SHPRH: variants seen among roughly 807,000 people sequenced by gnomAD.
SHPRH encodes SNF2 histone linker PHD RING helicase.
Under a neutral mutation model 202.5 loss-of-function variants are expected in SHPRH, and 106 were observed. The observed-to-expected ratio is 0.52, with a 90% CI of 0.45 to 0.62. The LOEUF (loss-of-function observed/expected upper bound fraction) is 0.62. Ranked by LOEUF, SHPRH falls within the 20% of genes least tolerant of loss-of-function variation. The probability of loss-of-function intolerance (pLI) is 0.00; values close to 1 mark genes in which losing one functional copy is unlikely to be tolerated. For missense variants in SHPRH, 1,710 were observed against 2,020.0 expected, an observed-to-expected ratio of 0.85 and a Z score of 2.94; for synonymous variants, 729 against 686.0, an observed-to-expected ratio of 1.06 and a Z score of -0.98.
intron 11 of SHPRH, among the ~76,000 whole-genome samples, chr6:145,940,077 A>T (rs1786578219): frequency 6.6e-6 from 1 of 152,194 alleles, no homozygotes; most frequent in African/African-American, 2.4e-5. Context: ...TTAGAAATGC[A>T]GTGTCCGTTC....
chr6:145,909,584 T>G (rs1282691466), intron 25 of SHPRH: 1 of 152,128 alleles, frequency 6.6e-6, no homozygotes, highest in Non-Finnish European at 1.5e-5. Context: ...TTGTAGCTGA[T>G]TCTACTTAAA....
rs1270999889 is a variant in SHPRH, at chr6:145,943,140, T to C, written c.2238+3A>G. On this transcript the variant is annotated splice_donor_region_variant and intron_variant, in intron 9 of 29. Transcript: ENST00000275233. The stretch of plus-strand genomic sequence containing the variant: ...TCTCCCTCTTTAGTCCAAGTGGCCT[T>C]ACCAAGACTCGAAGAGATGACGACC... 7.0e-6 allele frequency: 11 copies of C among 1,577,864 alleles called. No homozygotes were observed. The highest frequency in any genetic ancestry group is 9.5e-6 in the Non-Finnish European group (11 of 1,160,850).
Position 145,921,434 on chromosome 6 carries a change from T to C in SHPRH, c.3783-42A>G, listed in dbSNP as rs1317724710. ...ACAAAACAACAGTAACTGGTATCAG[T>C]GAGTGAAAAGCAACCTTCAATGTGA... is the stretch of plus-strand genomic sequence containing the variant. On this transcript the variant is annotated intron_variant, in intron 20 of 29. Transcript: ENST00000275233. 5.1e-6 allele frequency: 8 copies of C among 1,579,586 alleles called. No individual in the cohort carries two copies. The East Asian group carries it at 6.8e-5, about 13-fold the overall frequency.
rs776961190 is a variant in SHPRH at position 145,888,036 on chromosome 6, T to C, written c.4939A>G (p.Lys1647Glu). 6.2e-6 allele frequency: 10 copies of C among 1,612,888 alleles called. No individual in the cohort carries two copies. The highest frequency in any genetic ancestry group is 8.5e-6 in the Non-Finnish European group (10 of 1,179,024). The stretch of plus-strand genomic sequence containing the variant: ...ATTACCTACCTTCTCTCAGCAGTTT[T>C]CAGCATTGCCTGCATTCTTTCTTCT... ...TIEERMQAML[K>E]TAERSHTNSS... is the part of the protein sequence containing the mutation. Residue 1647 changes from lysine (K) to glutamate (E), a missense_variant, in exon 29 of 30, where the codon AAA (lysine) becomes GAA (glutamate). Lys to Glu is a moderately conservative substitution (Grantham distance 56). Transcript: ENST00000275233.
At chr6:145,952,032 T>C in intron 3 of SHPRH, 1 of 393,586 alleles carries the variant, frequency 2.5e-6, no homozygotes. Context: ...CAAGAATTTC[T>C]GGCCCATGAC....
rs41285853 is a variant in SHPRH at position 145,913,535 on chromosome 6, T to C, written c.4269A>G (p.Thr1423=). The C allele has an allele frequency of 1.3e-3, 2,030 of 1,608,674 alleles. 4 individuals are homozygous for C. Among genetic ancestry groups the C allele is most frequent in the Non-Finnish European group, 1.6e-3 (1,842 of 1,177,734 alleles). The change falls in exon 24 of 30, where the codon ACA becomes ACG. Residue 1423 remains threonine, a synonymous_variant. Coordinates refer to ENST00000275233, the MANE Select transcript of SHPRH (RefSeq NM_001042683.3). Reference sequence around the variant, plus strand: ...AAGGTTCTGGATTAACACCTCCCGATGTTTTATCTTGAGACTATCCAAAAA... The same window carrying C: ...AAGGTTCTGGATTAACACCTCCCGACGTTTTATCTTGAGACTATCCAAAAA... ...LTNLEKSQDK[T]SGGVNPEPCP... is the part of the protein sequence containing the mutation.
At chr6:145,930,899 T>C (rs1785369540) in intron 14 of SHPRH, among the ~76,000 whole-genome samples, 1 of 152,172 alleles carries the variant, frequency 6.6e-6, no homozygotes, top group South Asian at 2.1e-4. Context: ...TTGTTTTAGG[T>C]ACGTTAATAT....
At chr6:145,926,970 T>A (rs1173050909) in intron 15 of SHPRH, among the ~76,000 whole-genome samples, 1 of 151,962 alleles carries the variant, frequency 6.6e-6, no homozygotes, top group Non-Finnish European at 1.5e-5. Context: ...ACTTACCTTG[T>A]CAGGCTTGTG....
Position 145,894,943 on chromosome 6 carries a change from C to T in SHPRH, c.4550G>A (p.Arg1517Lys). The change falls in exon 26 of 30, where the codon AGA becomes AAA. Residue 1517 changes from arginine to lysine, a missense_variant. Arg to Lys is a conservative substitution (Grantham distance 26, BLOSUM62 2). Around this residue, in one of 8 missense-constraint regions of SHPRH, gnomAD observed 306 missense variants for 479.5 expected, o/e 0.64. Coordinates refer to ENST00000275233, the MANE Select transcript of SHPRH (RefSeq NM_001042683.3). ...SHSTKVEAVVRTLMKIQLRDP... is the reference protein window; with the variant it reads ...SHSTKVEAVVKTLMKIQLRDP... ...TCTAAGCTGTATTTTCATCAGAGTT[C>T]TGACCACAGCTTCCACTTTTGTAGA... 6.2e-7 allele frequency: 1 copy of T among 1,613,034 alleles called. No homozygotes were observed. The highest frequency in any genetic ancestry group is 2.2e-5 in the East Asian group (1 of 44,800).
chr6:145,933,825 A>G (rs148369659), intron 13 of SHPRH, among the ~76,000 whole-genome samples: 2 of 152,306 alleles, frequency 1.3e-5, no homozygotes, highest in African/African-American at 4.8e-5. Flanking sequence ...CTGATTCACA[A>G]AAACTTTCTG....
chr6:145,924,053 TA>T (rs1392887339), intron 17 of SHPRH, among the ~76,000 whole-genome samples: 1 of 151,846 alleles, frequency 6.6e-6, no homozygotes, highest in Non-Finnish European at 1.5e-5. Flanking sequence ...AAGCTGTAAC[TA>T]AAAAAACTGT....
intron 25 of SHPRH, chr6:145,906,221 A>C (rs1782945833): frequency 6.6e-6 from 1 of 152,018 alleles, no homozygotes; most frequent in Non-Finnish European, 1.5e-5. Context: ...CCTACCCTAC[A>C]TTCACTAAAG....
chr6:145,875,722 C>T (rs1293193323), intron 2 of SHPRH, among the ~76,000 whole-genome samples: 3 of 152,130 alleles, frequency 2.0e-5, no homozygotes, highest in African/African-American at 7.2e-5. Flanking sequence ...TGTTTAACAA[C>T]TTTATGCATT....
chr6:145,882,108 T>C (rs578244021), downstream of SHPRH, among the ~76,000 whole-genome samples: 5 of 147,660 alleles, frequency 3.4e-5, no homozygotes, highest in African/African-American at 1.2e-4. Context: ...AAAAAAAAGG[T>C]GGTTTACTCA....
intron 26 of SHPRH, among the ~76,000 whole-genome samples, chr6:145,894,522 GT>G (rs1220722925): frequency 6.6e-6 from 1 of 150,642 alleles, no homozygotes; most frequent in Admixed American, 6.6e-5. Flanking sequence ...TAGTTACTTA[GT>G]TTTCGAAAAT....
At chr6:145,877,312 A>G (rs1196398232) in intron 2 of SHPRH, among the ~76,000 whole-genome samples, 1 of 152,168 alleles carries the variant, frequency 6.6e-6, no homozygotes, top group East Asian at 1.9e-4. Flanking sequence ...CTGTATCCTT[A>G]ACAAAACTTG....
chr6:145,931,560 T>C (rs556036788), intron 14 of SHPRH, among the ~76,000 whole-genome samples: 2 of 152,094 alleles, frequency 1.3e-5, no homozygotes, highest in Non-Finnish European at 2.9e-5. Flanking sequence ...ATGGTCTCCA[T>C]CTCCTAACCT....
chr6:145,867,924 T>C (rs1055993545), intron 2 of SHPRH, among the ~76,000 whole-genome samples: 1 of 152,086 alleles, frequency 6.6e-6, no homozygotes, highest in Non-Finnish European at 1.5e-5. Context: ...AACTCTCTTC[T>C]AGACTAAAAA....
chr6:145,865,832 A>C (rs1779754859), intron 2 of SHPRH, among the ~76,000 whole-genome samples: 1 of 152,176 alleles, frequency 6.6e-6, no homozygotes, highest in South Asian at 2.1e-4. Context: ...TTATGCTTTC[A>C]TTTCCTATTT....
Sources: gnomAD v4.1 joint callset for allele counts (sites outside exome capture counted in the v4.1 genomes callset) on GRCh38, gnomAD v4.1.1 for gene constraint, gnomAD v4.1.1 regional missense constraint, MANE v1.5 for transcripts, NCBI Gene and HGNC (gene_info 2026-07-23, HGNC 2026-07-21) for gene names.